The following CCSER1 variants were observed in gnomAD, a reference collection of about 807,000 sequenced individuals.
CCSER1 encodes coiled-coil serine rich protein 1, also known as serine-rich coiled-coil domain-containing protein 1.
CCSER1 carries 41 observed loss-of-function variants against 82.0 expected under a neutral mutation model. That is an observed-to-expected ratio of 0.50 (90% CI 0.39 to 0.65). The LOEUF is 0.65. Among genes scored for constraint, CCSER1 ranks in the 30% least tolerant of loss-of-function variants. CCSER1 has a pLI of 0.00. For missense variants in CCSER1, 1,119 were observed against 1,064.2 expected, an observed-to-expected ratio of 1.05 and a Z score of -0.72; for synonymous variants, 414 against 383.9, an observed-to-expected ratio of 1.08 and a Z score of -0.92.
intron 10 of CCSER1, among the ~76,000 whole-genome samples, chr4:91,093,749 A>G (rs1302803132): frequency 6.6e-6 from 1 of 152,186 alleles, no homozygotes; most frequent in Non-Finnish European, 1.5e-5. Flanking sequence ...TGGTAGTCCT[A>G]AGGCTGGGGC....
At chr4:91,079,018 A>G (rs1010436226) in intron 9 of CCSER1, among the ~76,000 whole-genome samples, 1 of 152,246 alleles carries the variant, frequency 6.6e-6, no homozygotes, top group Non-Finnish European at 1.5e-5. Flanking sequence ...GATATCATCC[A>G]GGAGAACTTC....
intron 10 of CCSER1, among the ~76,000 whole-genome samples, chr4:91,190,620 T>G (rs1241489332): frequency 6.6e-6 from 1 of 152,206 alleles, no homozygotes; most frequent in African/African-American, 2.4e-5. Context: ...GATTCAAAGC[T>G]AAGGAATGAC....
chr4:90,554,404 A>G (rs573717785), intron 5 of CCSER1, among the ~76,000 whole-genome samples: 2 of 152,268 alleles, frequency 1.3e-5, no homozygotes, highest in South Asian at 4.1e-4. Flanking sequence ...TGTTCAAATA[A>G]ATGATGTTAC....
intron 10 of CCSER1, among the ~76,000 whole-genome samples, chr4:91,354,016 A>G (rs1748654217): frequency 6.6e-6 from 1 of 152,212 alleles, no homozygotes; most frequent in African/African-American, 2.4e-5. Flanking sequence ...CTCCTCCTTC[A>G]GCTGTTAGCA....
At chr4:90,904,584 A>T (rs1344984010) in intron 8 of CCSER1, among the ~76,000 whole-genome samples, 1 of 152,172 alleles carries the variant, frequency 6.6e-6, no homozygotes, top group African/African-American at 2.4e-5. Context: ...TAATGCCTGA[A>T]TGCTCTGGCA....
At chr4:90,209,753 T>C (rs960757359) in intron 1 of CCSER1, among the ~76,000 whole-genome samples, 2 of 151,996 alleles carry the variant, frequency 1.3e-5, no homozygotes, top group East Asian at 3.9e-4. Context: ...AAGCTCATTG[T>C]GTCTGTTTGT....
chr4:90,874,153 T>G (rs529212094), intron 8 of CCSER1, among the ~76,000 whole-genome samples: 223 of 152,280 alleles, frequency 1.5e-3, no homozygotes, highest in Middle Eastern at 6.8e-3. Flanking sequence ...TACCTAACAC[T>G]GCTGTAGAAG....
At chr4:90,997,037 A>G (rs1485404788) in intron 9 of CCSER1, among the ~76,000 whole-genome samples, 1 of 152,150 alleles carries the variant, frequency 6.6e-6, no homozygotes, top group African/African-American at 2.4e-5. Flanking sequence ...GCTGGACTCT[A>G]TGGTGTATTC....
At chr4:90,997,468 G>A (rs1417426917) in intron 9 of CCSER1, among the ~76,000 whole-genome samples, 1 of 152,148 alleles carries the variant, frequency 6.6e-6, no homozygotes, top group Non-Finnish European at 1.5e-5. Flanking sequence ...CACTTATGCA[G>A]AGTCCCTTTT....
intron 1 of CCSER1, among the ~76,000 whole-genome samples, chr4:90,221,599 T>C (rs2153421454): frequency 6.6e-6 from 1 of 152,292 alleles, no homozygotes; most frequent in South Asian, 2.1e-4. Flanking sequence ...AACATAAAAC[T>C]TTCATCACTA....
At chr4:91,545,402 C>T (rs768753057) in intron 10 of CCSER1, among the ~76,000 whole-genome samples, 8 of 152,224 alleles carry the variant, frequency 5.3e-5, no homozygotes, top group South Asian at 2.1e-4. Flanking sequence ...TCTTCTGTGT[C>T]GCTTACACTG....
At chr4:90,499,003 T>C (rs1291611718) in intron 5 of CCSER1, among the ~76,000 whole-genome samples, 1 of 152,172 alleles carries the variant, frequency 6.6e-6, no homozygotes, top group East Asian at 1.9e-4. Context: ...GTTGATTATG[T>C]AATAAATATT....
At chr4:90,410,909 T>G (rs1018892250) in intron 4 of CCSER1, among the ~76,000 whole-genome samples, 3 of 151,732 alleles carry the variant, frequency 2.0e-5, no homozygotes, top group Admixed American at 1.3e-4. Flanking sequence ...GAGAGAAGAA[T>G]CAAATAGACA....
At chr4:90,838,482 ATATT>A (rs1416712933) in intron 8 of CCSER1, among the ~76,000 whole-genome samples, 2 of 141,140 alleles carry the variant, frequency 1.4e-5, no homozygotes, top group Non-Finnish European at 3.2e-5. Context: ...ATATTTCATA[ATATT>A]TTTTTTAAGT....
At chr4:90,868,755 A>G (rs901277177) in intron 8 of CCSER1, among the ~76,000 whole-genome samples, 1 of 151,948 alleles carries the variant, frequency 6.6e-6, no homozygotes, top group African/African-American at 2.4e-5. Context: ...AGCTGAATCA[A>G]TTTTAGATTT....
chr4:91,381,620 C>A (rs1750902363), intron 10 of CCSER1, among the ~76,000 whole-genome samples: 1 of 152,182 alleles, frequency 6.6e-6, no homozygotes, highest in Non-Finnish European at 1.5e-5. Context: ...CTTCTCTACA[C>A]TGATTATTCT....
At chr4:90,794,884 T>G (rs2149675737) in intron 7 of CCSER1, among the ~76,000 whole-genome samples, 1 of 152,324 alleles carries the variant, frequency 6.6e-6, no homozygotes, top group South Asian at 2.1e-4. Context: ...GGTCTTTCAC[T>G]TCCCTTGTTA....
intron 10 of CCSER1, among the ~76,000 whole-genome samples, chr4:91,569,913 G>A (rs141694069): frequency 0.013 from 2,054 of 152,224 alleles, 27 homozygotes; most frequent in Non-Finnish European, 0.024. Flanking sequence ...GGGAGACAAG[G>A]AAAGTCCCTT....
intron 7 of CCSER1, among the ~76,000 whole-genome samples, chr4:90,728,805 T>C (rs572814114): frequency 6.6e-6 from 1 of 152,312 alleles, no homozygotes; most frequent in South Asian, 2.1e-4. Context: ...CTCCCTATTG[T>C]ATAAAATGAA....
Sources: gnomAD v4.1 joint callset for allele counts (sites outside exome capture counted in the v4.1 genomes callset) on GRCh38, gnomAD v4.1.1 for gene constraint, MANE v1.5 for transcripts, NCBI Gene and HGNC (gene_info 2026-07-23, HGNC 2026-07-21) for gene names.